CCDC110: variants seen among roughly 807,000 people sequenced by gnomAD.
CCDC110 encodes the protein coiled-coil domain-containing protein 110.
A neutral mutation model predicts 77.1 loss-of-function variants in CCDC110; 70 were observed. That is an observed-to-expected ratio of 0.91 (90% CI 0.75 to 1.11). CCDC110 has a LOEUF of 1.11. Among genes scored for constraint, CCDC110 ranks in the 50% least tolerant of loss-of-function variants. CCDC110 has a pLI of 0.00. For synonymous variants in CCDC110, 295 were observed against 312.5 expected, an observed-to-expected ratio of 0.94 and a Z score of 0.59; for missense variants, 868 against 942.9, an observed-to-expected ratio of 0.92 and a Z score of 1.04.
Position 185,459,830 on chromosome 4 carries a change from G to C in CCDC110, c.757C>G (p.Gln253Glu). 1.2e-6 allele frequency: 2 copies of C among 1,613,234 alleles called. No homozygotes were observed. The highest frequency in any genetic ancestry group is 2.2e-5 in the South Asian group (2 of 90,750). The change falls in exon 6 of 7, where the codon CAA becomes GAA. Residue 253 changes from glutamine (Q) to glutamate (E), a missense_variant. Physicochemically the swap from Gln to Glu is conservative, Grantham distance 29. Transcript: ENST00000307588. ...HSIKQMKEELQKSHDGEVALT... is the reference protein window; with the variant it reads ...HSIKQMKEELEKSHDGEVALT... The stretch of plus-strand genomic sequence containing the variant: ...GCCACTTCCCCATCATGTGACTTTT[G>C]AAGCTCTTCTTTCATTTGTTTGATA...
In CCDC110 at chr4:185,471,082, C is replaced by T. The variant is rs376026761; in HGVS notation, c.11-33G>A. ...AGAACCGTCCGGGGCTGTTCTGTCG[C>T]GGGTCGTGGCGTGGCGGGGCTGAAG... On this transcript the variant is annotated intron_variant, in intron 1 of 6. Transcript: ENST00000307588. 123 of 652,060 alleles carry T rather than the reference C, an allele frequency of 1.9e-4. 1 individual carries two copies. Among genetic ancestry groups the T allele is most frequent in the Non-Finnish European group, 2.5e-4 (118 of 480,214 alleles). The allele number at this position is 652,060 out of a possible 1,614,324, so 40.4% of individuals were successfully genotyped here.
chr4:185,452,859 T>C (rs7666343), intron 6 of CCDC110, among the ~76,000 whole-genome samples: 81,379 of 143,656 alleles, frequency 0.57, 23,642 homozygotes, highest in East Asian at 0.8. Context: ...TGCACCACTG[T>C]ACTCCAGCCT....
rs1488907894 is a variant in CCDC110 at position 185,449,781 on chromosome 4, T to C, written c.2462-4239A>G. 4 of 528,600 alleles carry C rather than the reference T, an allele frequency of 7.6e-6. No individual in the cohort carries two copies. In the East Asian group the frequency reaches 1.3e-4, roughly 17 times the overall value. 32.7% of individuals were successfully genotyped at this position (528,600 alleles called of 1,614,324 possible). On this transcript the variant is annotated intron_variant, in intron 6 of 6. Transcript: ENST00000307588. ...AAGAAATTCTGCAACTCTAATTCTCTTCCTTATTTTAATACTACTAGTTAA... is the reference window on the plus strand; with the variant it reads ...AAGAAATTCTGCAACTCTAATTCTCCTCCTTATTTTAATACTACTAGTTAA...
At position 185,462,700 on chromosome 4, in the gene CCDC110, C is replaced by T. The variant is rs1452405886; in HGVS notation, c.180G>A (p.Gln60=). The change falls in exon 4 of 7, where the codon CAG becomes CAA. Residue 60 remains glutamine (Q), a synonymous_variant. Coordinates refer to ENST00000307588, the MANE Select transcript of CCDC110 (RefSeq NM_152775.4). The part of the protein sequence containing the change: ...IQPQSALKVL[Q]QQLESFQALR... The stretch of plus-strand genomic sequence containing the variant: ...AAGCCTGAAATGATTCCAACTGCTG[C>T]TGAAGGACCTATGACAAAAGTAAAG... 2 of 1,613,504 alleles carry T rather than the reference C, an allele frequency of 1.2e-6. No homozygotes were observed. Among genetic ancestry groups the T allele is most frequent in the Admixed American group, 1.7e-5 (1 of 60,028 alleles).
chr4:185,471,001 G>C lies in CCDC110; in HGVS notation c.59C>G (p.Ala20Gly), dbSNP rs1212639708. 2.5e-6 allele frequency: 4 copies of C among 1,607,700 alleles called. No individual in the cohort carries two copies. The highest frequency in any genetic ancestry group is 3.4e-6 in the Non-Finnish European group (4 of 1,178,764). Residue 20 changes from alanine to glycine, a missense_variant, in exon 2 of 7, where the codon GCG becomes GGG. By Grantham distance (60) the Ala-to-Gly change is moderately conservative (BLOSUM62 0). Coordinates refer to ENST00000307588, the MANE Select transcript of CCDC110 (RefSeq NM_152775.4). Reference protein sequence around the residue: ...EDEVDSVLLSASKILNSSEGV... With the variant: ...EDEVDSVLLSGSKILNSSEGV... ...CTCCGAAGAATTTAGGATCTTGGAC[G>C]CTGAAAGGAGAACGGAGTCAACTTC...
In CCDC110 at chr4:185,458,969, T is replaced by C. The variant is rs141263491; in HGVS notation, c.1618A>G (p.Met540Val). 5.1e-4 allele frequency: 820 copies of C among 1,606,752 alleles called. No homozygotes were observed. The highest frequency in any genetic ancestry group is 6.7e-4 in the Non-Finnish European group (792 of 1,178,172). Residue 540 changes from methionine (M) to valine (V), a missense_variant, in exon 6 of 7, where the codon ATG (methionine) becomes GTG (valine). Met to Val is a conservative substitution (Grantham distance 21). Coordinates refer to ENST00000307588, the MANE Select transcript of CCDC110 (RefSeq NM_152775.4). The stretch of plus-strand genomic sequence containing the variant: ...CTTTTTAGTTGATCTAATGCTTCCA[T>C]CATTTGTTGCTTCTCTAAAGAAAGT... The part of the protein sequence containing the change: ...IQLSLEKQQM[M>V]EALDQLKSKE...
intron 1 of CCDC110, 22 bp downstream of exon 1, chr4:185,471,652 C>T: frequency 1.3e-6 from 2 of 1,558,432 alleles, no homozygotes; most frequent in Non-Finnish European, 8.6e-7. Context: ...CCCCTAGGAG[C>T]CCCGCCCCGT....
At chr4:185,452,410 A>G (rs6844918) in intron 6 of CCDC110, 471,645 of 981,106 alleles carry the variant, frequency 0.48, 115,979 homozygotes, top group East Asian at 0.8. Context: ...ATAACATGGA[A>G]GAAAGGCTTA....
At chr4:185,462,178 C>G (rs2095647642) in intron 4 of CCDC110, among the ~76,000 whole-genome samples, 1 of 152,206 alleles carries the variant, frequency 6.6e-6, no homozygotes, top group African/African-American at 2.4e-5. Context: ...TCTGCCACCA[C>G]AGGGAGTCTG....
Position 185,459,269 on chromosome 4 carries a change from G to A in CCDC110, c.1318C>T (p.Gln440Ter). 1 of 1,612,828 alleles carries A rather than the reference G, an allele frequency of 6.2e-7. No individual in the cohort carries two copies. Among genetic ancestry groups the A allele is most frequent in the Middle Eastern group, 1.7e-4 (1 of 6,054 alleles). ...YLQNYLKESV[Q>*]IQKKVMELES... Reference sequence around the variant, plus strand: ...AGTTCCATTACTTTTTTCTGTATCTGCACAGATTCTTTTAGGTAATTCTGT... The same window carrying A: ...AGTTCCATTACTTTTTTCTGTATCTACACAGATTCTTTTAGGTAATTCTGT... The change falls in exon 6 of 7, where the codon CAG becomes TAG. Residue 440 changes from glutamine to a stop codon, truncating the protein, a stop_gained. Coordinates refer to ENST00000307588, the MANE Select transcript of CCDC110 (RefSeq NM_152775.4). LOFTEE classifies it high-confidence loss of function.
At position 185,461,122 on chromosome 4, in the gene CCDC110, A is replaced by T; in HGVS notation, c.275T>A (p.Ile92Asn). The change falls in exon 5 of 7, where the codon ATT becomes AAT. Residue 92 changes from isoleucine to asparagine, a missense_variant. Physicochemically the swap from Ile to Asn is moderately radical, Grantham distance 149. Coordinates refer to ENST00000307588, the MANE Select transcript of CCDC110 (RefSeq NM_152775.4). ...SEISEILNKS[I>N]IEVENPQFSS... is the part of the protein sequence containing the mutation. ...AAATTGTGGGTTTTCTACTTCAATA[A>T]TACTTTTGTTCAATATTTCACTGAT... The T allele has an allele frequency of 6.3e-7, 1 of 1,594,928 alleles. No individual in the cohort carries two copies. Among genetic ancestry groups the T allele is most frequent in the South Asian group, 1.1e-5 (1 of 87,534 alleles).
chr4:185,459,492 G>A lies in CCDC110; in HGVS notation c.1095C>T (p.Gly365=), dbSNP rs762533008. The A allele has an allele frequency of 6.2e-7, 1 of 1,613,462 alleles. No individual in the cohort carries two copies. Among genetic ancestry groups the A allele is most frequent in the South Asian group, 1.1e-5 (1 of 91,038 alleles). ...GGAATTTTAAATCTGTAATATTTTT[G>A]CCAGTGATGGGAATTTCTTTATTGT... The part of the protein sequence containing the change: ...EKNNKEIPIT[G]KNITDLKFHS... Residue 365 remains glycine, a synonymous_variant, in exon 6 of 7, where the codon GGC becomes GGT. Transcript: ENST00000307588.
intron 6 of CCDC110, among the ~76,000 whole-genome samples, chr4:185,454,724 AAAAG>A (rs762875608): frequency 2.1e-4 from 32 of 152,066 alleles, no homozygotes; most frequent in Non-Finnish European, 4.0e-4. Flanking sequence ...AAAAAAATAA[AAAAG>A]AAAGAAAGTG....
chr4:185,460,915 C>A, intron 5 of CCDC110, 134 bp downstream of exon 5: 2 of 610,042 alleles, frequency 3.3e-6, no homozygotes, highest in Non-Finnish European at 3.2e-6. Context: ...TTTTCAGGAC[C>A]GGAGTTTCCT....
chr4:185,457,532 G>T (rs1457472594), intron 6 of CCDC110, among the ~76,000 whole-genome samples: 1 of 152,144 alleles, frequency 6.6e-6, no homozygotes, highest in Non-Finnish European at 1.5e-5. Context: ...GGAGTCTTGT[G>T]ACTTCCACTA....
At chr4:185,464,671 T>C (rs2095652353) in intron 2 of CCDC110, among the ~76,000 whole-genome samples, 2 of 152,170 alleles carry the variant, frequency 1.3e-5, no homozygotes, top group Admixed American at 1.3e-4. Context: ...CAACGAACTG[T>C]TGTTAATTTT....
chr4:185,450,428 C>T (rs1183375212), intron 6 of CCDC110, among the ~76,000 whole-genome samples: 2 of 152,172 alleles, frequency 1.3e-5, no homozygotes, highest in African/African-American at 4.8e-5. Context: ...TATCTCTTCT[C>T]CTTCACCTGC....
In CCDC110 at chr4:185,448,540, A is replaced by T. The variant is rs112890153; in HGVS notation, c.2462-2998T>A. Among the ~76,000 whole-genome samples the T allele has an allele frequency of 7.1e-4, 108 of 152,304 alleles. 1 individual carries two copies. Among genetic ancestry groups the T allele is most frequent in the African/African-American group, 2.6e-3 (107 of 41,560 alleles). ...AACAAAAACTGATCTATGTCACTGA[A>T]CCACGATTCCCCTAGATATTAGGGT... is the stretch of plus-strand genomic sequence containing the variant. On this transcript the variant is annotated intron_variant, in intron 6 of 6. Coordinates refer to ENST00000307588, the MANE Select transcript of CCDC110 (RefSeq NM_152775.4).
intron 6 of CCDC110, among the ~76,000 whole-genome samples, chr4:185,453,891 G>C: frequency 1.3e-5 from 2 of 149,474 alleles, no homozygotes; most frequent in Non-Finnish European, 3.0e-5. Flanking sequence ...TCGGCTCACT[G>C]CAACCTCTGC....
Sources: allele counts gnomAD v4.1 joint callset (sites outside exome capture counted in the v4.1 genomes callset), GRCh38; gene constraint gnomAD v4.1.1; transcripts MANE v1.5; gene names NCBI Gene and HGNC (gene_info 2026-07-23, HGNC 2026-07-21).